TRAF3IP3: variants seen among roughly 807,000 people sequenced by gnomAD.
The protein encoded by TRAF3IP3 is TRAF3 interacting protein 3.
Under a neutral mutation model 86.5 loss-of-function variants are expected in TRAF3IP3, and 64 were observed. The observed-to-expected ratio is 0.74, with a 90% confidence interval of 0.60 to 0.91. The LOEUF (loss-of-function observed/expected upper bound fraction) is 0.91. Ranked by LOEUF, TRAF3IP3 falls within the 40% of genes least tolerant of loss-of-function variation. TRAF3IP3 has a pLI of 0.00. For missense variants in TRAF3IP3, 579 were observed against 642.9 expected (o/e 0.90, Z 1.07); for synonymous variants, 220 against 243.9 (o/e 0.90, Z 0.91).
At position 209,771,716 on chromosome 1, in the gene TRAF3IP3, G is replaced by A. The variant is rs1405553057; in HGVS notation, c.703-1232G>A. Among the ~76,000 whole-genome samples the A allele has an allele frequency of 6.8e-5, 9 of 132,832 alleles. 1 individual carries two copies. The highest frequency in any genetic ancestry group is 1.4e-4 in the Non-Finnish European group (9 of 62,586). 87.1% of individuals were successfully genotyped at this position (132,832 alleles called of 152,430 possible). The stretch of plus-strand genomic sequence containing the variant: ...GTGCAGGTGGAGGTGTATGTGTGCA[G>A]GTGGAAGTGTACGTGTGCATGTGGA... On this transcript the variant is annotated intron_variant, in intron 8 of 16. Coordinates refer to ENST00000367025, the MANE Select transcript of TRAF3IP3 (RefSeq NM_025228.4).
intron 9 of TRAF3IP3, among the ~76,000 whole-genome samples, chr1:209,774,301 A>G (rs566657808): frequency 6.6e-6 from 1 of 152,348 alleles, no homozygotes; most frequent in Admixed American, 6.5e-5. Context: ...AGAAGCTACA[A>G]TGATTTTTTT....
intron 8 of TRAF3IP3, among the ~76,000 whole-genome samples, chr1:209,771,589 TGGA>T (rs1279095023): frequency 8.1e-6 from 1 of 123,270 alleles, no homozygotes; most frequent in Non-Finnish European, 1.6e-5. Context: ...CGTGTGCATG[TGGA>T]GGTGTGTGTG....
In TRAF3IP3 at chr1:209,762,835, A is replaced by C; in HGVS notation, c.516A>C (p.Gly172=). 1 of 1,611,446 alleles carries C rather than the reference A, an allele frequency of 6.2e-7. No individual in the cohort carries two copies. Among genetic ancestry groups the C allele is most frequent in the Non-Finnish European group, 8.5e-7 (1 of 1,179,474 alleles). The change falls in exon 5 of 17, where the codon GGA becomes GGC. Residue 172 remains glycine, a synonymous_variant. Coordinates refer to ENST00000367025, the MANE Select transcript of TRAF3IP3 (RefSeq NM_025228.4). ...CAGGTACTCAGACAAAGGCAGAAGG[A>C]CCAACAATTAAGAACGATGCCAGTC... ...HHRGTQTKAE[G]PTIKNDASQQ...
intron 3 of TRAF3IP3, 45 bp downstream of exon 3, chr1:209,760,429 CT>C: frequency 1.3e-6 from 2 of 1,488,242 alleles, no homozygotes; most frequent in Non-Finnish European, 1.8e-6. Flanking sequence ...CTGGGACCCT[CT>C]CTGGACAAGG....
chr1:209,770,752 C>CCT (rs1274869005), intron 8 of TRAF3IP3, among the ~76,000 whole-genome samples: 2 of 115,622 alleles, frequency 1.7e-5, no homozygotes, highest in Non-Finnish European at 3.5e-5. Flanking sequence ...TGTGCGTGTG[C>CCT]AGGTGGAGGT....
chr1:209,771,894 T>C lies in TRAF3IP3; in HGVS notation c.703-1054T>C, dbSNP rs377340358. Among the ~76,000 whole-genome samples the C allele has an allele frequency of 6.7e-3, 843 of 125,064 alleles. 19 individuals carry two copies. Among genetic ancestry groups the C allele is most frequent in the African/African-American group, 0.023 (799 of 35,480 alleles). The allele number at this position is 125,064 out of a possible 152,430, so 82.0% of individuals were successfully genotyped here. The stretch of plus-strand genomic sequence containing the variant: ...GTGCATGTGGAGGTGTGTGCGCGCA[T>C]GTGAAGGTGTGTGTGTATATGGAGG... On this transcript the variant is annotated intron_variant, in intron 8 of 16. Transcript: ENST00000367025.
In TRAF3IP3 at chr1:209,780,613, G is replaced by A; in HGVS notation, c.1449+7G>A. 1.9e-6 allele frequency: 3 copies of A among 1,575,512 alleles called. No individual in the cohort carries two copies. The highest frequency in any genetic ancestry group is 2.3e-5 in the South Asian group (2 of 86,930). On this transcript the variant is annotated splice_region_variant and intron_variant, in intron 15 of 16. Transcript: ENST00000367025. The stretch of plus-strand genomic sequence containing the variant: ...CCAGGCCAAGGAAAAGGAGGTGAGA[G>A]GGTGACCTGAGATAGTGAGGGCTCA...
At position 209,780,253 on chromosome 1, in the gene TRAF3IP3, A is replaced by C. The variant is rs1436302618; in HGVS notation, c.1313-217A>C. On this transcript the variant is annotated intron_variant, in intron 14 of 16. Coordinates refer to ENST00000367025, the MANE Select transcript of TRAF3IP3 (RefSeq NM_025228.4). The stretch of plus-strand genomic sequence containing the variant: ...ACTGGGGATACAAAGAAAAGATCCC[A>C]ATCTTGCCCTCAAGGAGCTCAGATT... 4 of 365,426 alleles carry C rather than the reference A, an allele frequency of 1.1e-5. No homozygotes were observed. The South Asian group carries it at 3.9e-4, about 35-fold the overall frequency. The allele number at this position is 365,426 out of a possible 1,614,324, so 22.6% of individuals were successfully genotyped here.
intron 8 of TRAF3IP3, among the ~76,000 whole-genome samples, chr1:209,771,502 G>GGTGTGTGTGAAGGT (rs1558021617): frequency 7.6e-6 from 1 of 131,260 alleles, no homozygotes; most frequent in African/African-American, 3.1e-5. Flanking sequence ...TGCATGTGAA[G>GGTGTGTGTGAAGGT]GTGTGTGTGA....
At chr1:209,772,854 A>C in intron 8 of TRAF3IP3, 94 bp from the exon 9 acceptor site, 1 of 1,090,244 alleles carries the variant, frequency 9.2e-7, no homozygotes, top group Non-Finnish European at 1.4e-6. Flanking sequence ...TTGAGCACCA[A>C]CCATGTGCTG....
intron 8 of TRAF3IP3, among the ~76,000 whole-genome samples, chr1:209,767,676 A>G (rs1279676358): frequency 5.6e-5 from 8 of 143,976 alleles, no homozygotes; most frequent in Non-Finnish European, 1.1e-4. Context: ...CCCTGTCTTG[A>G]AAAAAAAAAA....
At chr1:209,775,238 T>C in intron 9 of TRAF3IP3, 111 bp from the exon 10 acceptor site, 1 of 1,001,108 alleles carries the variant, frequency 1.0e-6, no homozygotes, top group Non-Finnish European at 1.5e-6. Flanking sequence ...ACTAGATTAC[T>C]GGTATCTCTG....
chr1:209,778,004 C>A, intron 12 of TRAF3IP3, 107 bp from the exon 13 acceptor site: 2 of 998,078 alleles, frequency 2.0e-6, no homozygotes, highest in Non-Finnish European at 1.5e-6. Flanking sequence ...AATAGACACA[C>A]GTTAAAGACC....
At chr1:209,768,298 C>T in intron 8 of TRAF3IP3, 1 of 985,456 alleles carries the variant, frequency 1.0e-6, no homozygotes, top group Non-Finnish European at 1.2e-6. Flanking sequence ...CTGGCTTCAC[C>T]TCCGGATGTC....
At chr1:209,780,333 G>C in intron 14 of TRAF3IP3, 137 bp from the exon 15 acceptor site, 1 of 721,492 alleles carries the variant, frequency 1.4e-6, no homozygotes, top group Non-Finnish European at 2.0e-6. Flanking sequence ...CTTTATGTCA[G>C]AGAATGCCAT....
At chr1:209,772,823 C>A in intron 8 of TRAF3IP3, 125 bp from the exon 9 acceptor site, 2 of 755,108 alleles carry the variant, frequency 2.6e-6, no homozygotes, top group Non-Finnish European at 4.5e-6. Context: ...CTCCTGCCTG[C>A]CTCCTGAAAG....
chr1:209,772,925 T>A, intron 8 of TRAF3IP3, 23 bp from the exon 9 acceptor site: 1 of 1,612,028 alleles, frequency 6.2e-7, no homozygotes, highest in Non-Finnish European at 8.5e-7. Flanking sequence ...CCCAAGCTCA[T>A]TAACTCATCC....
intron 2 of TRAF3IP3, 35 bp from the exon 3 acceptor site, chr1:209,759,946 AC>A (rs994123668): frequency 9.7e-7 from 1 of 1,027,822 alleles, no homozygotes; most frequent in African/African-American, 1.6e-5. Context: ...CCATCTTCTG[AC>A]CCCTCCCCTT....
At chr1:209,775,905 A>G in intron 11 of TRAF3IP3, 169 bp downstream of exon 11, 1 of 625,880 alleles carries the variant, frequency 1.6e-6, no homozygotes, top group South Asian at 2.3e-5. Flanking sequence ...TCTGAAATCT[A>G]ATTTTGAGTT....
Sources: allele counts gnomAD v4.1 joint callset (sites outside exome capture counted in the v4.1 genomes callset), GRCh38; gene constraint gnomAD v4.1.1; transcripts MANE v1.5; gene names NCBI Gene and HGNC (gene_info 2026-07-23, HGNC 2026-07-21).